The following TULP4 variants were observed in gnomAD, a reference collection of about 807,000 sequenced individuals.
TULP4 encodes TUB like protein 4.
Under a neutral mutation model 129.0 loss-of-function variants are expected in TULP4, and 16 were observed. The observed-to-expected ratio is 0.12, with a 90% CI of 0.08 to 0.19. TULP4 has a LOEUF of 0.19. Among genes scored for constraint, TULP4 ranks in the 10% least tolerant of loss-of-function variants. The probability of loss-of-function intolerance (pLI) is 1.00; values close to 1 mark genes in which losing one functional copy is unlikely to be tolerated. For missense variants in TULP4, 1,842 were observed against 2,059.1 expected, an observed-to-expected ratio of 0.89 and a Z score of 2.04; for synonymous variants, 998 against 854.0, an observed-to-expected ratio of 1.17 and a Z score of -2.94.
upstream of TULP4, among the ~76,000 whole-genome samples, chr6:158,280,493 A>G (rs759746402): frequency 6.6e-6 from 1 of 152,228 alleles, no homozygotes; most frequent in Non-Finnish European, 1.5e-5. Context: ...GAAATTCTTC[A>G]GTGAAATTAA....
chr6:158,354,988 G>T (rs1054124807), intron 1 of TULP4, among the ~76,000 whole-genome samples: 1 of 152,088 alleles, frequency 6.6e-6, no homozygotes, highest in African/African-American at 2.4e-5. Flanking sequence ...GTACAGTTGT[G>T]TACGTGGTGT....
rs776682725 is a variant in TULP4, at chr6:158,503,930, A to G, written c.4267A>G (p.Ser1423Gly). The G allele has an allele frequency of 2.5e-6, 4 of 1,613,902 alleles. No individual in the cohort carries two copies. Among genetic ancestry groups the G allele is most frequent in the Non-Finnish European group, 3.4e-6 (4 of 1,179,916 alleles). The change falls in exon 13 of 14, where the codon AGC (serine) becomes GGC (glycine). Residue 1423 changes from serine (S) to glycine (G), a missense_variant. Coordinates refer to ENST00000367097, the MANE Select transcript of TULP4 (RefSeq NM_020245.5). This position sits in a 1 kb window ranked among gnomAD's most constrained non-coding sequence, Gnocchi z 4.3. Reference protein sequence around the residue: ...FISGDELMNQSQGSRKGWKSK... With the variant: ...FISGDELMNQGQGSRKGWKSK... The stretch of plus-strand genomic sequence containing the variant: ...CAGCGGGGATGAGCTCATGAACCAG[A>G]GCCAGGGCAGCAGAAAGGGCTGGAA...
chr6:158,296,338 T>C (rs1779031719), intron 1 of TULP4, among the ~76,000 whole-genome samples: 4 of 151,282 alleles, frequency 2.6e-5, no homozygotes, highest in Admixed American at 2.6e-4. Flanking sequence ...GTCGGCCAGC[T>C]GAGAAATAAA....
intron 1 of TULP4, among the ~76,000 whole-genome samples, chr6:158,338,585 A>T (rs1478739226): frequency 6.6e-6 from 1 of 152,204 alleles, no homozygotes; most frequent in African/African-American, 2.4e-5. Context: ...GGAATTTAGC[A>T]TTCCACATTT....
chr6:158,441,358 A>C (rs1191672155), intron 3 of TULP4, among the ~76,000 whole-genome samples: 3 of 152,210 alleles, frequency 2.0e-5, no homozygotes. Flanking sequence ...GAATTTATTA[A>C]TATACACTGG....
intron 1 of TULP4, among the ~76,000 whole-genome samples, chr6:158,294,231 G>A (rs1778991542): frequency 6.6e-6 from 1 of 152,110 alleles, no homozygotes; most frequent in East Asian, 1.9e-4. Flanking sequence ...GGGCGTGGTG[G>A]TGGGCACCTG....
chr6:158,315,235 C>T (rs1463322808), intron 1 of TULP4, among the ~76,000 whole-genome samples: 2 of 151,972 alleles, frequency 1.3e-5, no homozygotes, highest in South Asian at 2.1e-4. Flanking sequence ...TTATTTCTCA[C>T]AGTTCGGGAG....
chr6:158,247,656 G>C (rs1338634808), intron 1 of TULP4, among the ~76,000 whole-genome samples: 1 of 152,248 alleles, frequency 6.6e-6, no homozygotes. Flanking sequence ...CAAGAGTTTT[G>C]TGTAGGAAGC....
rs749489411 is a variant in TULP4 at position 158,504,118 on chromosome 6, C to CG, written c.4461dup (p.Arg1488AlafsTer13). 3.1e-6 allele frequency: 5 copies of CG among 1,608,232 alleles called. No individual in the cohort carries two copies. The highest frequency in any genetic ancestry group is 1.1e-5 in the South Asian group (1 of 89,908). On this transcript the variant is annotated frameshift_variant, in exon 13 of 14. Coordinates refer to ENST00000367097, the MANE Select transcript of TULP4 (RefSeq NM_020245.5). LOFTEE classifies it high-confidence loss of function. ...CCACCCAGGTCTACCAGCTGGACTT[C>CG]GGGGGGCGGGTGACCCAGGAGTCCG...
chr6:158,392,139 G>A (rs1302595149), intron 1 of TULP4, among the ~76,000 whole-genome samples: 1 of 152,214 alleles, frequency 6.6e-6, no homozygotes, highest in Non-Finnish European at 1.5e-5. Flanking sequence ...AGAAGGCAAG[G>A]AGGAGCAAGT....
rs564338821 is a variant in TULP4, at chr6:158,418,737, C to T, written c.381+5544C>T. On this transcript the variant is annotated intron_variant, in intron 2 of 13. Transcript: ENST00000367097. ...GAACTATGACTGTGCCACTGCACTCCAGCCTGGGCAACAAAGCAAGACCAA... is the reference window on the plus strand; with the variant it reads ...GAACTATGACTGTGCCACTGCACTCTAGCCTGGGCAACAAAGCAAGACCAA... Among the ~76,000 whole-genome samples, 12 of 152,294 alleles carry T rather than the reference C, an allele frequency of 7.9e-5. No individual in the cohort carries two copies. The South Asian group carries it at 2.5e-3, about 32-fold the overall frequency.
chr6:158,300,763 A>G (rs1779117028), intron 1 of TULP4, among the ~76,000 whole-genome samples: 1 of 152,246 alleles, frequency 6.6e-6, no homozygotes, highest in South Asian at 2.1e-4. Context: ...AGTCACATCC[A>G]TTTGCCATAA....
chr6:158,314,512 G>C (rs368616990), intron 1 of TULP4, among the ~76,000 whole-genome samples: 8 of 152,324 alleles, frequency 5.3e-5, no homozygotes, highest in Non-Finnish European at 1.0e-4. Flanking sequence ...TCCCTGCACT[G>C]TCTCTCTTAG....
chr6:158,276,131 G>A (rs143265423), intron 1 of TULP4, among the ~76,000 whole-genome samples: 1,550 of 151,960 alleles, frequency 0.01, 28 homozygotes, highest in African/African-American at 0.036. Context: ...CACCATGCCC[G>A]GCTAGTTTTT....
At chr6:158,429,165 G>A (rs926841285) in intron 2 of TULP4, among the ~76,000 whole-genome samples, 1 of 152,128 alleles carries the variant, frequency 6.6e-6, no homozygotes. Context: ...TTGAGACAGA[G>A]TCTCACTCTG....
intron 1 of TULP4, among the ~76,000 whole-genome samples, chr6:158,394,786 C>CAAAAAAA (rs71030166): frequency 0.033 from 1,502 of 45,992 alleles, 244 homozygotes; most frequent in Admixed American, 0.052. Context: ...GGCTCTGTCT[C>CAAAAAAA]AAAAAAAAAA....
At chr6:158,305,624 G>C (rs533786110) in intron 1 of TULP4, among the ~76,000 whole-genome samples, 2 of 151,324 alleles carry the variant, frequency 1.3e-5, no homozygotes, top group Admixed American at 6.6e-5. Context: ...AGTATAGCTT[G>C]AGCCTAGGAG....
Position 158,510,905 on chromosome 6 carries a change from A to G in TULP4, c.*4211A>G, listed in dbSNP as rs1382437353. On this transcript the variant is annotated 3_prime_UTR_variant, in exon 14 of 14. Coordinates refer to ENST00000367097, the MANE Select transcript of TULP4 (RefSeq NM_020245.5). Reference sequence around the variant, plus strand: ...GGCCCAGCAACTGGAGAAGGAGTCCATGGTGTCGCTGTGTGCCTGTATCAT... The same window carrying G: ...GGCCCAGCAACTGGAGAAGGAGTCCGTGGTGTCGCTGTGTGCCTGTATCAT... 3 of 152,250 alleles carry G rather than the reference A, an allele frequency of 2.0e-5. No individual in the cohort carries two copies. The highest frequency in any genetic ancestry group is 4.4e-5 in the Non-Finnish European group (3 of 68,042). 9.4% of individuals were successfully genotyped at this position (152,250 alleles called of 1,614,324 possible).
At chr6:158,349,150 A>G (rs1583780005) in intron 1 of TULP4, among the ~76,000 whole-genome samples, 5 of 97,042 alleles carry the variant, frequency 5.2e-5, no homozygotes, top group Admixed American at 1.1e-4. Context: ...CTGGGCAGAT[A>G]CACTCCTCAC....
Sources: allele counts gnomAD v4.1 joint callset (sites outside exome capture counted in the v4.1 genomes callset), GRCh38; gene constraint gnomAD v4.1.1; non-coding constraint Gnocchi (gnomAD v3.1); transcripts MANE v1.5; gene names NCBI Gene and HGNC (gene_info 2026-07-23, HGNC 2026-07-21).